The following MYH14 variants were observed in gnomAD, a reference collection of about 807,000 sequenced individuals.
MYH14 encodes myosin-14.
Under a neutral mutation model 255.5 loss-of-function variants are expected in MYH14, and 123 were observed. That is an observed-to-expected ratio of 0.48 (90% CI 0.42 to 0.56). The LOEUF is 0.56. Ranked by LOEUF, MYH14 falls within the 20% of genes least tolerant of loss-of-function variation. The pLI, the probability that MYH14 is intolerant of heterozygous loss-of-function variation, is 0.00. For missense variants in MYH14, 2,423 were observed against 2,802.3 expected (o/e 0.86, Z 3.06); for synonymous variants, 1,095 against 1,161.2 (o/e 0.94, Z 1.16).
intron 18 of MYH14, chr19:50,258,756 ACAAACAAAAAC>A (rs989350720): frequency 3.1e-5 from 5 of 163,306 alleles, no homozygotes; most frequent in African/African-American, 1.2e-4. Flanking sequence ...GAACAAACAA[ACAAACAAAAAC>A]CAAAAAAACA....
At chr19:50,258,831 C>G (rs113904202) in intron 18 of MYH14, 7 of 286,766 alleles carry the variant, frequency 2.4e-5, no homozygotes, top group South Asian at 1.5e-4. Flanking sequence ...TTTGGCGACT[C>G]TCTTGCGTGC....
intron 37 of MYH14, among the ~76,000 whole-genome samples, chr19:50,292,951 G>A (rs1372193169): frequency 6.6e-6 from 1 of 151,988 alleles, no homozygotes; most frequent in Non-Finnish European, 1.5e-5. Flanking sequence ...CGGTGATTGG[G>A]GGACCCTGGA....
In MYH14 at chr19:50,276,810, C is replaced by T. The variant is rs553239370; in HGVS notation, c.3734C>T (p.Thr1245Ile). Residue 1245 changes from threonine to isoleucine, a missense_variant, in exon 29 of 43, where the codon ACT (threonine) becomes ATT (isoleucine). Physicochemically the swap from Thr to Ile is moderately conservative, Grantham distance 89. Around this residue, in one of 3 missense-constraint regions of MYH14, gnomAD observed 1,513 missense variants for 1,674.8 expected, o/e 0.90. Coordinates refer to ENST00000642316, the MANE Select transcript of MYH14 (RefSeq NM_001145809.2). The surrounding 1 kb of genome is among the most constrained non-coding windows in gnomAD (Gnocchi z 4.3). ...CTGAAGAAGACTCTGGAGGAGGAGA[C>T]TCGCATCCACGAGGCGGCAGTGCAG... is the stretch of plus-strand genomic sequence containing the variant. The part of the protein sequence containing the change: ...TELKKTLEEE[T>I]RIHEAAVQEL... 1 of 1,613,250 alleles carries T rather than the reference C, an allele frequency of 6.2e-7. No homozygotes were observed. Among genetic ancestry groups the T allele is most frequent in the Admixed American group, 1.7e-5 (1 of 60,016 alleles).
chr19:50,260,411 CGA>C (rs1273221829), intron 19 of MYH14, among the ~76,000 whole-genome samples: 1 of 152,146 alleles, frequency 6.6e-6, no homozygotes. Flanking sequence ...GGCGACAGAG[CGA>C]GACTCTGTCT....
chr19:50,236,409 T>G (rs1409107960), intron 10 of MYH14, among the ~76,000 whole-genome samples: 2 of 151,474 alleles, frequency 1.3e-5, no homozygotes, highest in South Asian at 2.1e-4. Context: ...GTAGGTTCAA[T>G]TCTTAGAAAC....
chr19:50,222,045 T>C (rs1459293254), intron 3 of MYH14, among the ~76,000 whole-genome samples: 1 of 152,110 alleles, frequency 6.6e-6, no homozygotes, highest in Non-Finnish European at 1.5e-5. Flanking sequence ...CTGGTCATTG[T>C]AGGATGTTTA....
chr19:50,279,945 C>A, intron 30 of MYH14, 92 bp from the exon 31 acceptor site: 1 of 920,656 alleles, frequency 1.1e-6, no homozygotes, highest in Non-Finnish European at 1.8e-6. Flanking sequence ...TAACATTTCA[C>A]ATTCCTGCCA....
intron 40 of MYH14, among the ~76,000 whole-genome samples, chr19:50,304,158 G>A (rs1039511931): frequency 6.6e-6 from 1 of 152,188 alleles, no homozygotes; most frequent in African/African-American, 2.4e-5. Flanking sequence ...AGGCTGAGAT[G>A]GGCTATAAAT....
rs1268137794 is a variant in MYH14 at position 50,221,289 on chromosome 19, G to A, written c.563-1794G>A. On this transcript the variant is annotated intron_variant, in intron 3 of 42. Coordinates refer to ENST00000642316, the MANE Select transcript of MYH14 (RefSeq NM_001145809.2). The surrounding 1 kb of genome is among the most constrained non-coding windows in gnomAD (Gnocchi z 5.3). ...AGAGGCACAAAGCAACTCAGAGACT[G>A]GCCCAAGGTCACGCAGCAAGTCAGA... 6.6e-6 allele frequency among the ~76,000 whole-genome samples: 1 copy of A among 152,042 alleles called. No individual in the cohort carries two copies. Among genetic ancestry groups the A allele is most frequent in the Non-Finnish European group, 1.5e-5 (1 of 68,014 alleles).
intron 2 of MYH14, among the ~76,000 whole-genome samples, chr19:50,217,030 C>G (rs1183858637): frequency 6.6e-6 from 1 of 151,846 alleles, no homozygotes; most frequent in Non-Finnish European, 1.5e-5. Flanking sequence ...AGGCTGGGCT[C>G]GAACTCCTGA....
chr19:50,207,144 G>C (rs1225342327), intron 1 of MYH14, among the ~76,000 whole-genome samples: 1 of 148,290 alleles, frequency 6.7e-6, no homozygotes, highest in Non-Finnish European at 1.5e-5. Flanking sequence ...AGGATCACTT[G>C]AACACAGGAG....
rs200598771 is a variant in MYH14, at chr19:50,225,594, G to C, written c.727G>C (p.Glu243Gln). 131 of 1,612,384 alleles carry C rather than the reference G, an allele frequency of 8.1e-5. 1 individual carries two copies. The highest frequency in any genetic ancestry group is 1.7e-4 in the Admixed American group (10 of 59,958). ...SVSTVSYGEL[E>Q]RQLLQANPIL... Reference sequence around the variant, plus strand: ...CTCCTGTGCCCGGCAGGGTGAGCTGGAGCGGCAGCTGCTTCAGGCCAACCC... The same window carrying C: ...CTCCTGTGCCCGGCAGGGTGAGCTGCAGCGGCAGCTGCTTCAGGCCAACCC... Residue 243 changes from glutamate to glutamine, a missense_variant, in exon 7 of 43, where the codon GAG (glutamate) becomes CAG (glutamine). Glu to Gln is a conservative substitution (Grantham distance 29). Transcript: ENST00000642316.
At chr19:50,278,043 A>G in intron 29 of MYH14, 40 bp from the exon 30 acceptor site, 2 of 1,462,864 alleles carry the variant, frequency 1.4e-6, no homozygotes, top group South Asian at 1.5e-5. Context: ...TGGTCCAGGA[A>G]AGGCCTCATA....
intron 11 of MYH14, among the ~76,000 whole-genome samples, chr19:50,245,711 G>A (rs1168418976): frequency 6.6e-6 from 1 of 152,190 alleles, no homozygotes; most frequent in African/African-American, 2.4e-5. Context: ...AGGAGGACAG[G>A]ATGTATTACC....
intron 10 of MYH14, 62 bp from the exon 11 acceptor site, chr19:50,244,180 G>A: frequency 2.8e-6 from 4 of 1,432,170 alleles, no homozygotes; most frequent in Non-Finnish European, 3.9e-6. Flanking sequence ...TGTTTAAGGG[G>A]CCAGTTAAGA....
intron 11 of MYH14, among the ~76,000 whole-genome samples, chr19:50,245,072 T>C (rs2034048453): frequency 6.6e-6 from 1 of 152,174 alleles, no homozygotes; most frequent in Non-Finnish European, 1.5e-5. Flanking sequence ...TGTCTCTTTA[T>C]TATTATAAAA....
intron 3 of MYH14, among the ~76,000 whole-genome samples, chr19:50,222,775 C>T (rs1290464503): frequency 6.6e-6 from 1 of 152,162 alleles, no homozygotes; most frequent in African/African-American, 2.4e-5. Flanking sequence ...CATGAGGCAG[C>T]ACACAGTAGG....
chr19:50,228,082 G>C (rs2033194826), intron 8 of MYH14, among the ~76,000 whole-genome samples: 1 of 152,104 alleles, frequency 6.6e-6, no homozygotes, highest in Non-Finnish European at 1.5e-5. Context: ...CCAGGAGTTT[G>C]AGACCAGCCA....
chr19:50,245,602 C>T (rs552931861), intron 11 of MYH14, among the ~76,000 whole-genome samples: 443 of 152,238 alleles, frequency 2.9e-3, no homozygotes, highest in Admixed American at 5.1e-3. Flanking sequence ...GAAATGGAAT[C>T]GTGCTTCACC....
Sources: gnomAD v4.1 joint callset for allele counts (sites outside exome capture counted in the v4.1 genomes callset) on GRCh38, gnomAD v4.1.1 for gene constraint, gnomAD v4.1.1 regional missense constraint, Gnocchi (gnomAD v3.1) non-coding constraint, MANE v1.5 for transcripts, NCBI Gene and HGNC (gene_info 2026-07-23, HGNC 2026-07-21) for gene names.